The following ESR1 variants were observed in gnomAD, a reference collection of about 807,000 sequenced individuals.
ESR1 encodes estrogen receptor.
In ESR1, 12 loss-of-function variants were observed where a neutral mutation model predicts 52.7. That is an observed-to-expected ratio of 0.23 (90% CI 0.15 to 0.37). The LOEUF is 0.37. Among genes scored for constraint, ESR1 ranks in the 10% least tolerant of loss-of-function variants. The pLI is 1.00. For synonymous variants in ESR1, 305 were observed against 316.8 expected, an observed-to-expected ratio of 0.96 and a Z score of 0.39; for missense variants, 584 against 779.7, an observed-to-expected ratio of 0.75 and a Z score of 2.99.
intron 2 of ESR1, among the ~76,000 whole-genome samples, chr6:151,750,923 T>A (rs1213468452): frequency 6.6e-6 from 1 of 152,158 alleles, no homozygotes; most frequent in Admixed American, 6.5e-5. Flanking sequence ...CCTGGAAAAT[T>A]AACTCAAATG....
At chr6:151,982,445 T>G (rs978286836) in intron 4 of ESR1, among the ~76,000 whole-genome samples, 6 of 152,206 alleles carry the variant, frequency 3.9e-5, no homozygotes, top group African/African-American at 1.4e-4. Context: ...TTAAATTTTC[T>G]AGTAGCCACA....
chr6:151,776,706 C>G (rs574237319), intron 2 of ESR1, among the ~76,000 whole-genome samples: 2 of 152,038 alleles, frequency 1.3e-5, no homozygotes, highest in African/African-American at 4.8e-5. Context: ...GGCTTGGTGG[C>G]GGGTGCCTGT....
At chr6:152,118,187 C>G (rs1253333603) in intron 6 of ESR1, 1 of 152,134 alleles carries the variant, frequency 6.6e-6, no homozygotes, top group Non-Finnish European at 1.5e-5. Flanking sequence ...TTTAATCTCC[C>G]TTTCCTCCCC....
intron 1 of ESR1, among the ~76,000 whole-genome samples, chr6:151,838,940 G>A (rs561035521): frequency 3.3e-5 from 5 of 152,138 alleles, no homozygotes; most frequent in African/African-American, 9.6e-5. Flanking sequence ...ATGGGCTCTC[G>A]CTATTAAATC....
intron 2 of ESR1, among the ~76,000 whole-genome samples, chr6:151,865,572 C>T (rs542882041): frequency 3.3e-5 from 5 of 152,242 alleles, no homozygotes; most frequent in East Asian, 1.9e-4. Context: ...TAGGTAAACT[C>T]TTTGAAAGCA....
chr6:152,076,803 G>A (rs141256102), intron 6 of ESR1, among the ~76,000 whole-genome samples: 169 of 152,172 alleles, frequency 1.1e-3, no homozygotes, highest in Non-Finnish European at 1.7e-3. Context: ...AATGATTTGG[G>A]GTACCTGGTA....
At chr6:152,083,043 G>A (rs1004851851) in intron 6 of ESR1, among the ~76,000 whole-genome samples, 1 of 152,136 alleles carries the variant, frequency 6.6e-6, no homozygotes, top group Non-Finnish European at 1.5e-5. Context: ...ACTGCCCAAG[G>A]TAATTTATAG....
At chr6:151,979,402 TTAAA>T (rs1260812609) in intron 4 of ESR1, among the ~76,000 whole-genome samples, 1 of 152,202 alleles carries the variant, frequency 6.6e-6, no homozygotes, top group African/African-American at 2.4e-5. Context: ...AAAATGGACA[TTAAA>T]TATACAACAT....
At chr6:151,660,001 G>A (rs1226881095) in intron 1 of ESR1, among the ~76,000 whole-genome samples, 4 of 152,198 alleles carry the variant, frequency 2.6e-5, no homozygotes, top group Middle Eastern at 3.4e-3. Context: ...AGCACTTACC[G>A]TATGTCCATT....
In ESR1 at chr6:151,869,861, C is replaced by T. The variant is rs1470093231; in HGVS notation, c.644-10794C>T. 2.6e-5 allele frequency among the ~76,000 whole-genome samples: 4 copies of T among 152,206 alleles called. No individual in the cohort carries two copies. The South Asian group carries it at 8.3e-4, about 32-fold the overall frequency. ...TCTTGGAGGTGGTGGTTGTCACTGA[C>T]AAGATTAACTAGAACTGACTAGCTG... On this transcript the variant is annotated intron_variant, in intron 2 of 7. Coordinates refer to ENST00000206249, the MANE Select transcript of ESR1 (RefSeq NM_000125.4).
intron 3 of ESR1, among the ~76,000 whole-genome samples, chr6:151,901,103 G>T (rs561050002): frequency 1.3e-5 from 2 of 152,148 alleles, no homozygotes; most frequent in Non-Finnish European, 2.9e-5. Context: ...ACTCTCCTCG[G>T]GTGAGTCTTG....
chr6:151,927,495 A>G (rs1033642791), intron 3 of ESR1, among the ~76,000 whole-genome samples: 1 of 152,174 alleles, frequency 6.6e-6, no homozygotes. Context: ...GTAATTAGTT[A>G]TTGAATCAAT....
At chr6:151,923,427 G>A (rs573480353) in intron 3 of ESR1, among the ~76,000 whole-genome samples, 2 of 151,982 alleles carry the variant, frequency 1.3e-5, no homozygotes, top group African/African-American at 4.8e-5. Context: ...AGTTTCTATC[G>A]CTGTAGCATA....
Position 151,807,825 on chromosome 6 carries a change from G to C in ESR1, c.-88G>C. On this transcript the variant is annotated 5_prime_UTR_variant, in exon 1 of 8. Transcript: ENST00000206249. ...TGCGCTGCGTCGCCTCTAACCTCGG[G>C]CTGTGCTCTTTTTCCAGGTGGCCCG... is the stretch of plus-strand genomic sequence containing the variant. 1 of 1,193,774 alleles carries C rather than the reference G, an allele frequency of 8.4e-7. No individual in the cohort carries two copies. Among genetic ancestry groups the C allele is most frequent in the Non-Finnish European group, 1.2e-6 (1 of 822,774 alleles). 73.9% of individuals were successfully genotyped at this position (1,193,774 alleles called of 1,614,324 possible). A position where few individuals can be genotyped will look rare whatever the true frequency, so the allele number is the denominator to read the frequency against.
intron 2 of ESR1, among the ~76,000 whole-genome samples, chr6:151,717,581 T>G (rs1021853245): frequency 6.6e-6 from 1 of 152,218 alleles, no homozygotes; most frequent in African/African-American, 2.4e-5. Flanking sequence ...GCTATGTTTC[T>G]TTTTAGCATA....
At chr6:151,993,713 G>C (rs77931140) in intron 4 of ESR1, among the ~76,000 whole-genome samples, 8,526 of 152,188 alleles carry the variant, frequency 0.056, 430 homozygotes, top group East Asian at 0.13. Context: ...AACAACCTGG[G>C]AGGAAGCAGA....
At position 151,834,644 on chromosome 6, in the gene ESR1, C is replaced by T. The variant is rs7758909; in HGVS notation, c.453-7953C>T. ...AGCAAACCACCATGGCACGTGTATA[C>T]CTATGTAACAAACTTGCACATTCTG... On this transcript the variant is annotated intron_variant, in intron 1 of 7. Transcript: ENST00000206249. Among the ~76,000 whole-genome samples the T allele has an allele frequency of 6.3e-3, 951 of 151,902 alleles. 12 individuals carry two copies. The highest frequency in any genetic ancestry group is 0.022 in the African/African-American group (916 of 41,412).
chr6:151,818,761 C>T (rs1454133411), intron 1 of ESR1, among the ~76,000 whole-genome samples: 2 of 151,878 alleles, frequency 1.3e-5, no homozygotes, highest in Non-Finnish European at 2.9e-5. Flanking sequence ...TCTAATTAAT[C>T]ATAAGCTACT....
intron 3 of ESR1, among the ~76,000 whole-genome samples, chr6:151,890,445 G>T (rs1012722763): frequency 2.0e-5 from 3 of 152,198 alleles, no homozygotes; most frequent in African/African-American, 7.2e-5. Context: ...TATTTGAGAA[G>T]AATGTGTGTT....
Sources: allele counts gnomAD v4.1 joint callset (sites outside exome capture counted in the v4.1 genomes callset), GRCh38; gene constraint gnomAD v4.1.1; transcripts MANE v1.5; gene names NCBI Gene and HGNC (gene_info 2026-07-23, HGNC 2026-07-21).